Variants in PDZRN3 observed in about 807,000 individuals in gnomAD.
The protein encoded by PDZRN3 is PDZ domain containing ring finger 3.
In PDZRN3, 38 loss-of-function variants were observed where a neutral mutation model predicts 85.7. That is an observed-to-expected ratio of 0.44 (90% CI 0.34 to 0.58). PDZRN3 has a LOEUF of 0.58. Ranked by LOEUF, PDZRN3 falls within the 20% of genes least tolerant of loss-of-function variation. The pLI is 0.01. For synonymous variants in PDZRN3, 759 were observed against 638.0 expected, an observed-to-expected ratio of 1.19 and a Z score of -2.86; for missense variants, 1,629 against 1,506.4, an observed-to-expected ratio of 1.08 and a Z score of -1.35.
intron 3 of PDZRN3, among the ~76,000 whole-genome samples, chr3:73,503,530 C>G (rs1220058418): frequency 6.6e-6 from 1 of 152,158 alleles, no homozygotes; most frequent in Non-Finnish European, 1.5e-5. Flanking sequence ...GTATTATTCC[C>G]ATTGCTGTCT....
chr3:73,599,604 T>A (rs560806294), intron 3 of PDZRN3, among the ~76,000 whole-genome samples: 9 of 152,266 alleles, frequency 5.9e-5, no homozygotes, highest in African/African-American at 2.2e-4. Context: ...GCCACATGTA[T>A]GTCTTGCCAT....
chr3:73,605,260 AGTTT>A (rs1004723001), intron 2 of PDZRN3, among the ~76,000 whole-genome samples: 5 of 151,522 alleles, frequency 3.3e-5, no homozygotes, highest in Non-Finnish European at 7.4e-5. Context: ...CTTTATTCTT[AGTTT>A]GTTTGGCTCC....
In PDZRN3 at chr3:73,624,326, C is replaced by A; in HGVS notation, c.500G>T (p.Arg167Leu). Reference sequence around the variant, plus strand: ...GGCCTGGAGCGCGCCGTTGTGCGCCCGCAGCGCTCGCGCGCAGCAGTGGCC... The same window carrying A: ...GGCCTGGAGCGCGCCGTTGTGCGCCAGCAGCGCTCGCGCGCAGCAGTGGCC... ...AGGHCCARAL[R>L]AHNGALQARL... Residue 167 changes from arginine to leucine, a missense_variant, in exon 1 of 10, where the codon CGG (arginine) becomes CTG (leucine). Physicochemically the swap from Arg to Leu is moderately radical, Grantham distance 102. Transcript: ENST00000263666. 1 of 1,310,962 alleles carries A rather than the reference C, an allele frequency of 7.6e-7. No individual in the cohort carries two copies. Among genetic ancestry groups the A allele is most frequent in the South Asian group, 2.3e-5 (1 of 44,334 alleles). 81.2% of individuals were successfully genotyped at this position (1,310,962 alleles called of 1,614,324 possible). A position where few individuals can be genotyped will look rare whatever the true frequency, so the allele number is the denominator to read the frequency against.
At chr3:73,539,260 G>A (rs538009673) in intron 3 of PDZRN3, among the ~76,000 whole-genome samples, 1 of 152,292 alleles carries the variant, frequency 6.6e-6, no homozygotes, top group East Asian at 1.9e-4. Context: ...ACAAAATATT[G>A]TTGAAGGAAG....
chr3:73,558,272 T>C (rs1023929193), intron 3 of PDZRN3, among the ~76,000 whole-genome samples: 2 of 151,306 alleles, frequency 1.3e-5, no homozygotes, highest in South Asian at 2.1e-4. Context: ...AGGGAGATAA[T>C]TTAAAAAACA....
chr3:73,542,661 C>T (rs1701306597), intron 3 of PDZRN3, among the ~76,000 whole-genome samples: 1 of 152,040 alleles, frequency 6.6e-6, no homozygotes, highest in Non-Finnish European at 1.5e-5. Context: ...GTAATCCCAG[C>T]TACTTGGGAG....
At chr3:73,552,499 A>T (rs1163735028) in intron 3 of PDZRN3, among the ~76,000 whole-genome samples, 2 of 152,302 alleles carry the variant, frequency 1.3e-5, no homozygotes, top group African/African-American at 4.8e-5. Context: ...TGGAAGAAAT[A>T]CAAAATACAA....
intron 3 of PDZRN3, among the ~76,000 whole-genome samples, chr3:73,550,949 G>A (rs892300041): frequency 1.2e-4 from 19 of 152,328 alleles, no homozygotes; most frequent in African/African-American, 4.1e-4. Flanking sequence ...TGTTTATAAT[G>A]AGAGTTATCA....
At chr3:73,415,659 T>C (rs931183913) in intron 3 of PDZRN3, among the ~76,000 whole-genome samples, 1 of 152,184 alleles carries the variant, frequency 6.6e-6, no homozygotes, top group South Asian at 2.1e-4. Flanking sequence ...AATTTTATTA[T>C]TGCGTTTAAT....
intron 3 of PDZRN3, among the ~76,000 whole-genome samples, chr3:73,515,551 C>T (rs969074375): frequency 2.6e-5 from 4 of 152,154 alleles, no homozygotes; most frequent in African/African-American, 9.7e-5. Context: ...AAGGAAATGA[C>T]CTCATCCACC....
chr3:73,391,242 C>CCAA, intron 5 of PDZRN3, 126 bp from the exon 6 acceptor site: 1 of 633,464 alleles, frequency 1.6e-6, no homozygotes, highest in Admixed American at 2.6e-5. Context: ...CTGTGTAGGG[C>CCAA]CGGTTAACTT....
At chr3:73,426,253 A>G (rs1575645546) in intron 3 of PDZRN3, among the ~76,000 whole-genome samples, 1 of 152,004 alleles carries the variant, frequency 6.6e-6, no homozygotes, top group East Asian at 1.9e-4. Flanking sequence ...AGACTCTTCC[A>G]TAGTCAGAAA....
chr3:73,501,873 G>A (rs879799432), intron 3 of PDZRN3, among the ~76,000 whole-genome samples: 9 of 152,014 alleles, frequency 5.9e-5, no homozygotes, highest in African/African-American at 1.7e-4. Flanking sequence ...AAAATTAGCC[G>A]GGTATGTTGG....
At chr3:73,581,480 G>T (rs1052728987) in intron 3 of PDZRN3, among the ~76,000 whole-genome samples, 2 of 152,010 alleles carry the variant, frequency 1.3e-5, no homozygotes, top group African/African-American at 4.8e-5. Flanking sequence ...GCTTATTGTG[G>T]AAAATACAAT....
intron 3 of PDZRN3, among the ~76,000 whole-genome samples, chr3:73,510,391 G>A (rs776771763): frequency 3.0e-4 from 46 of 152,116 alleles, no homozygotes; most frequent in Non-Finnish European, 4.7e-4. Context: ...ACACGCACAA[G>A]GAAAAAGGTC....
chr3:73,389,755 G>A (rs1701480658), intron 7 of PDZRN3, 61 bp downstream of exon 7: 3 of 1,194,604 alleles, frequency 2.5e-6, no homozygotes, highest in Non-Finnish European at 3.8e-6. Context: ...CCTATCATTA[G>A]AACCAGTTTG....
intron 3 of PDZRN3, among the ~76,000 whole-genome samples, chr3:73,412,475 T>TGTCA (rs1297152026): frequency 6.6e-6 from 1 of 152,232 alleles, no homozygotes; most frequent in Admixed American, 6.5e-5. Flanking sequence ...TTCTATTTTG[T>TGTCA]GTCACCATAG....
At chr3:73,508,799 AAAAT>A (rs1168804777) in intron 3 of PDZRN3, among the ~76,000 whole-genome samples, 12 of 152,232 alleles carry the variant, frequency 7.9e-5, no homozygotes, top group Non-Finnish European at 5.9e-5. Flanking sequence ...GATACATTGG[AAAAT>A]AAATATTTTT....
At chr3:73,412,655 G>T (rs1701997229) in intron 3 of PDZRN3, among the ~76,000 whole-genome samples, 1 of 152,176 alleles carries the variant, frequency 6.6e-6, no homozygotes, top group East Asian at 1.9e-4. Context: ...ATCTTGAGCA[G>T]GTTATTCATC....
Sources: allele counts gnomAD v4.1 joint callset (sites outside exome capture counted in the v4.1 genomes callset), GRCh38; gene constraint gnomAD v4.1.1; transcripts MANE v1.5; gene names NCBI Gene and HGNC (gene_info 2026-07-23, HGNC 2026-07-21).